CACHD1: variants seen among roughly 807,000 people sequenced by gnomAD.
CACHD1 encodes cache domain containing 1.
A neutral mutation model predicts 138.7 loss-of-function variants in CACHD1; 71 were observed. That is an observed-to-expected ratio of 0.51 (90% CI 0.42 to 0.62). The LOEUF is 0.62. Ranked by LOEUF, CACHD1 falls within the 20% of genes least tolerant of loss-of-function variation. CACHD1 has a pLI of 0.00. For missense variants in CACHD1, 1,389 were observed against 1,625.3 expected (o/e 0.85, Z 2.50); for synonymous variants, 578 against 591.5 (o/e 0.98, Z 0.33).
In CACHD1 at chr1:64,470,788, C is replaced by A; in HGVS notation, c.44C>A (p.Ala15Glu). ...PEEEETAVAR[A>E]RRPPLWLLCL... Reference sequence around the variant, plus strand: ...GAAGAGGAGACGGCCGTGGCCCGGGCGCGGCGGCCGCCCCTCTGGCTGCTC... The same window carrying A: ...GAAGAGGAGACGGCCGTGGCCCGGGAGCGGCGGCCGCCCCTCTGGCTGCTC... The change falls in exon 1 of 27, where the codon GCG becomes GAG. Residue 15 changes from alanine to glutamate, a missense_variant. This residue lies in a region of CACHD1 where 1,000 missense variants were observed against 1,114.7 expected (regional missense o/e 0.90). Transcript: ENST00000651257. This position sits in a 1 kb window ranked among gnomAD's most constrained non-coding sequence, Gnocchi z 5.2. 9.2e-7 allele frequency: 1 copy of A among 1,087,078 alleles called. No homozygotes were observed. Among genetic ancestry groups the A allele is most frequent in the Non-Finnish European group, 1.3e-6 (1 of 751,878 alleles). 67.3% of individuals were successfully genotyped at this position (1,087,078 alleles called of 1,614,324 possible).
chr1:64,628,675 C>T (rs911282999), intron 4 of CACHD1, among the ~76,000 whole-genome samples: 5 of 152,120 alleles, frequency 3.3e-5, no homozygotes, highest in African/African-American at 9.7e-5. Flanking sequence ...GTTTGAATCC[C>T]AGCTTGGCCA....
At chr1:64,566,931 G>A (rs544299372) in intron 2 of CACHD1, among the ~76,000 whole-genome samples, 2 of 151,926 alleles carry the variant, frequency 1.3e-5, no homozygotes, top group Admixed American at 6.6e-5. Context: ...ATTATTAGGG[G>A]TATGTATATG....
chr1:64,496,863 CAAAA>C, intron 1 of CACHD1, among the ~76,000 whole-genome samples: 1 of 85,336 alleles, frequency 1.2e-5, no homozygotes. Flanking sequence ...GAAGTTGTCT[CAAAA>C]AAAAAAAAAA....
chr1:64,484,696 C>T (rs531992413), intron 1 of CACHD1, among the ~76,000 whole-genome samples: 2 of 152,376 alleles, frequency 1.3e-5, no homozygotes, highest in South Asian at 4.1e-4. Flanking sequence ...CTGAATTTGG[C>T]TACTCTAGGT....
At chr1:64,536,056 A>T (rs570628992) in intron 1 of CACHD1, among the ~76,000 whole-genome samples, 16 of 152,334 alleles carry the variant, frequency 1.1e-4, no homozygotes, top group African/African-American at 2.9e-4. Flanking sequence ...GATGGTTTAC[A>T]TTCCATAAAG....
chr1:64,676,924 C>G lies in CACHD1; in HGVS notation c.3005C>G (p.Pro1002Arg), dbSNP rs771998948. The G allele has an allele frequency of 3.2e-5, 52 of 1,613,568 alleles. No homozygotes were observed. Among genetic ancestry groups the G allele is most frequent in the Non-Finnish European group, 4.2e-5 (49 of 1,179,838 alleles). Residue 1002 changes from proline to arginine, a missense_variant, in exon 22 of 27, where the codon CCG (proline) becomes CGG (arginine). Around this residue, in one of 5 missense-constraint regions of CACHD1, gnomAD observed 250 missense variants for 292.9 expected, o/e 0.85. Transcript: ENST00000651257. ...CCCAGCTGCGAGGTCCACCAGGAGCCGGTGACATACACAGCTATTGACCCT... is the reference window on the plus strand; with the variant it reads ...CCCAGCTGCGAGGTCCACCAGGAGCGGGTGACATACACAGCTATTGACCCT... Reference protein sequence around the residue: ...RNPSCEVHQEPVTYTAIDPGL... With the variant: ...RNPSCEVHQERVTYTAIDPGL...
At chr1:64,631,429 A>C (rs1570433595) in intron 5 of CACHD1, among the ~76,000 whole-genome samples, 1 of 152,268 alleles carries the variant, frequency 6.6e-6, no homozygotes, top group East Asian at 1.9e-4. Flanking sequence ...TACTTTAGTA[A>C]TTACTGCAGG....
Position 64,470,997 on chromosome 1 carries a change from C to T in CACHD1, c.198+55C>T. ...CCGCCTTTCTCCTTTGCTCAAACTC[C>T]CATCCCACTCCCGGTACAAGTCCCC... On this transcript the variant is annotated intron_variant, in intron 1 of 26. Transcript: ENST00000651257. This position sits in a 1 kb window ranked among gnomAD's most constrained non-coding sequence, Gnocchi z 5.2. 4 of 1,498,342 alleles carry T rather than the reference C, an allele frequency of 2.7e-6. No individual in the cohort carries two copies. The highest frequency in any genetic ancestry group is 1.4e-5 in the African/African-American group (1 of 71,984). The allele number at this position is 1,498,342 out of a possible 1,614,324, so 92.8% of individuals were successfully genotyped here.
intron 7 of CACHD1, among the ~76,000 whole-genome samples, chr1:64,637,935 C>G (rs776649240): frequency 6.6e-6 from 1 of 152,108 alleles, no homozygotes; most frequent in Non-Finnish European, 1.5e-5. Flanking sequence ...ATTTTTCTAA[C>G]CTTGTGGATT....
In CACHD1 at chr1:64,634,232, TA is replaced by T; in HGVS notation, c.979del (p.Thr327GlnfsTer46). On this transcript the variant is annotated frameshift_variant, in exon 7 of 27. Coordinates refer to ENST00000651257, the MANE Select transcript of CACHD1 (RefSeq NM_020925.4). LOFTEE classifies it high-confidence loss of function. ...AAAAGGCATTTCAGCTGATTCGAAG[TA>T]CAAACAATAACACAAAGTTCCAAGC... Reference protein sequence around the residue: ...FQKAFQLIRSTNNNTKFQANT... With the variant: ...FQKAFQLIRSXNNNTKFQANT... 6.2e-7 allele frequency: 1 copy of T among 1,613,886 alleles called. No homozygotes were observed. The highest frequency in any genetic ancestry group is 8.5e-7 in the Non-Finnish European group (1 of 1,179,964).
intron 1 of CACHD1, among the ~76,000 whole-genome samples, chr1:64,530,961 A>G (rs1352966545): frequency 7.0e-6 from 1 of 141,858 alleles, no homozygotes; most frequent in African/African-American, 2.5e-5. Context: ...AGGAAGAATG[A>G]ATTCTCACAA....
intron 3 of CACHD1, among the ~76,000 whole-genome samples, chr1:64,588,622 C>A (rs916424583): frequency 6.6e-6 from 1 of 152,140 alleles, no homozygotes; most frequent in African/African-American, 2.4e-5. Flanking sequence ...AAGTGATCTA[C>A]CCGCCTCAGC....
chr1:64,601,404 G>A lies in CACHD1; in HGVS notation c.411-1402G>A, dbSNP rs188994611. Among the ~76,000 whole-genome samples, 1,095 of 152,234 alleles carry A rather than the reference G, an allele frequency of 7.2e-3. 6 individuals carry two copies. Among genetic ancestry groups the A allele is most frequent in the Middle Eastern group, 0.037 (11 of 294 alleles). On this transcript the variant is annotated intron_variant, in intron 3 of 26. Coordinates refer to ENST00000651257, the MANE Select transcript of CACHD1 (RefSeq NM_020925.4). The stretch of plus-strand genomic sequence containing the variant: ...TGGCTTCTGAGGCAGCAGTCTTCTC[G>A]TCTAGACAAACTGGAGCAGGTCCAA...
intron 14 of CACHD1, chr1:64,664,171 A>T (rs911524590): frequency 1.1e-5 from 5 of 449,786 alleles, no homozygotes; most frequent in African/African-American, 9.8e-5. Context: ...GTCTCTCGAG[A>T]TAAATATAAG....
At chr1:64,571,037 G>C (rs968562200) in intron 2 of CACHD1, among the ~76,000 whole-genome samples, 3 of 152,040 alleles carry the variant, frequency 2.0e-5, no homozygotes, top group Non-Finnish European at 4.4e-5. Flanking sequence ...TGAAACTGAA[G>C]CCTAGAAAGG....
rs148925166 is a variant in CACHD1, at chr1:64,618,640, G to T, written c.518-10715G>T. On this transcript the variant is annotated intron_variant, in intron 4 of 26. Transcript: ENST00000651257. ...ATACTCAAGATGTAAGTGGGAAGTG[G>T]GAATTGGGAAGGTGGGACACAGTAT... Among the ~76,000 whole-genome samples, 287 of 152,256 alleles carry T rather than the reference G, an allele frequency of 1.9e-3. 1 individual carries two copies. Among genetic ancestry groups the T allele is most frequent in the African/African-American group, 6.6e-3 (274 of 41,548 alleles).
intron 1 of CACHD1, among the ~76,000 whole-genome samples, chr1:64,523,324 T>C (rs374295323): frequency 2.6e-5 from 4 of 152,196 alleles, no homozygotes; most frequent in East Asian, 3.8e-4. Context: ...GGGTTTATTA[T>C]ACTGTTTTGT....
intron 7 of CACHD1, among the ~76,000 whole-genome samples, chr1:64,635,838 G>A (rs573638853): frequency 9.3e-4 from 141 of 151,928 alleles, no homozygotes; most frequent in African/African-American, 3.3e-3. Context: ...TAGGCTGGGC[G>A]CGGTGGCTCA....
chr1:64,679,398 G>A (rs919021065), intron 23 of CACHD1, among the ~76,000 whole-genome samples, 197 bp from the exon 24 acceptor site: 70 of 152,156 alleles, frequency 4.6e-4, no homozygotes, highest in African/African-American at 1.6e-3. Context: ...AACCAACACT[G>A]GAGAACCAGG....
Sources: gnomAD v4.1 joint callset for allele counts (sites outside exome capture counted in the v4.1 genomes callset) on GRCh38, gnomAD v4.1.1 for gene constraint, gnomAD v4.1.1 regional missense constraint, Gnocchi (gnomAD v3.1) non-coding constraint, MANE v1.5 for transcripts, NCBI Gene and HGNC (gene_info 2026-07-23, HGNC 2026-07-21) for gene names.